Variants in PCDHA4 observed in about 807,000 individuals in gnomAD.
PCDHA4 encodes the protein protocadherin alpha-4.
Under a neutral mutation model 61.4 loss-of-function variants are expected in PCDHA4, and 49 were observed. That is an observed-to-expected ratio of 0.80 (90% CI 0.63 to 1.01). The LOEUF (loss-of-function observed/expected upper bound fraction) is 1.01. Among genes scored for constraint, PCDHA4 ranks in the 50% least tolerant of loss-of-function variants. PCDHA4 has a pLI of 0.00. For missense variants in PCDHA4, 1,254 were observed against 1,235.8 expected (o/e 1.01, Z -0.22); for synonymous variants, 590 against 550.3 (o/e 1.07, Z -1.01).
At chr5:140,876,555 G>A (rs782622293) in intron 1 of PCDHA4, 18 of 1,614,072 alleles carry the variant, frequency 1.1e-5, no homozygotes, top group Admixed American at 3.3e-5. Flanking sequence ...CTGTGCAAGA[G>A]GATGCTCAGG....
chr5:140,968,195 T>C, intron 1 of PCDHA4: 1 of 1,614,076 alleles, frequency 6.2e-7, no homozygotes, highest in East Asian at 2.2e-5. Context: ...CTATTCCATC[T>C]ACATACAGGA....
At chr5:140,853,717 A>G in intron 1 of PCDHA4, 1 of 988,104 alleles carries the variant, frequency 1.0e-6, no homozygotes, top group Non-Finnish European at 1.2e-6. Context: ...CATTAGCAGC[A>G]CCTAAGTCCT....
At chr5:140,833,964 T>TG (rs1419903363) in intron 1 of PCDHA4, among the ~76,000 whole-genome samples, 1 of 152,084 alleles carries the variant, frequency 6.6e-6, no homozygotes, top group African/African-American at 2.4e-5. Flanking sequence ...TAAAACTGTG[T>TG]GAAAAAAAAG....
chr5:141,009,892 G>GTTT lies in PCDHA4; in HGVS notation c.2799_2800insTTT (p.Glu933_Lys934insPhe). 6.2e-7 allele frequency: 1 copy of GTTT among 1,612,140 alleles called. No individual in the cohort carries two copies. Among genetic ancestry groups the GTTT allele is most frequent in the Non-Finnish European group, 8.5e-7 (1 of 1,179,578 alleles). ...AGAAGAAGGGTAACAAGACCCAGGAGAAAAAAGAGAAAGGGAACAGCACGA... is the reference window on the plus strand; with the variant it reads ...AGAAGAAGGGTAACAAGACCCAGGAGTTTAAAAAAGAGAAAGGGAACAGCACGA... On this transcript the variant is annotated inframe_insertion, in exon 4 of 4. Transcript: ENST00000530339.
intron 1 of PCDHA4, chr5:140,851,484 A>G: frequency 2.2e-6 from 2 of 889,574 alleles, no homozygotes; most frequent in Non-Finnish European, 2.7e-6. Context: ...TTATAAACAC[A>G]GCCTTCATTT....
At chr5:140,872,584 G>A (rs183302964) in intron 1 of PCDHA4, among the ~76,000 whole-genome samples, 8 of 152,212 alleles carry the variant, frequency 5.3e-5, no homozygotes, top group Admixed American at 5.2e-4. Flanking sequence ...CTATCATCGT[G>A]AGACCCCCAT....
intron 1 of PCDHA4, chr5:140,829,589 G>A (rs1770412729): frequency 3.7e-6 from 6 of 1,611,976 alleles, no homozygotes; most frequent in Non-Finnish European, 5.1e-6. Flanking sequence ...GCGGCGGGTG[G>A]GCGAGCGCGC....
chr5:140,896,738 T>C (rs2065731964), intron 1 of PCDHA4, among the ~76,000 whole-genome samples: 2 of 152,180 alleles, frequency 1.3e-5, no homozygotes, highest in African/African-American at 4.8e-5. Context: ...AAGTTCCTTA[T>C]AGATTCTGGA....
chr5:140,929,205 G>A (rs201292001), intron 1 of PCDHA4: 14 of 1,614,120 alleles, frequency 8.7e-6, no homozygotes, highest in Non-Finnish European at 1.2e-5. Flanking sequence ...GTTTGCTGTT[G>A]CGTGGGGAGT....
chr5:140,857,603 C>T lies in PCDHA4; in HGVS notation c.2385+48031C>T, dbSNP rs547758195. The T allele has an allele frequency of 1.4e-5, 22 of 1,596,384 alleles. 1 individual carries two copies. The highest frequency in any genetic ancestry group is 1.3e-4 in the South Asian group (12 of 90,484). On this transcript the variant is annotated intron_variant, in intron 1 of 3. Transcript: ENST00000530339. ...CGCGGAGAGCGGCAAGGTGTACGCG[C>T]TGCAGCCGCTGGACCACGAGGAGCT...
intron 1 of PCDHA4, among the ~76,000 whole-genome samples, chr5:140,895,206 A>G (rs948962776): frequency 6.6e-6 from 1 of 151,808 alleles, no homozygotes; most frequent in Non-Finnish European, 1.5e-5. Flanking sequence ...ATTTGCTTTT[A>G]TTTCTAATAT....
Position 140,829,888 on chromosome 5 carries a change from C to G in PCDHA4, c.2385+20316C>G, listed in dbSNP as rs150204488. 7.0e-4 allele frequency: 1,137 copies of G among 1,613,910 alleles called. 4 individuals carry two copies. In the African/African-American group the frequency reaches 7.9e-3, roughly 11 times the overall value. On this transcript the variant is annotated intron_variant, in intron 1 of 3. Transcript: ENST00000530339. ...TGGCGAAGGTGCGCGCAGTTGACGCCGACTCAGGCTACAACGCGTGGCTTT... is the reference window on the plus strand; with the variant it reads ...TGGCGAAGGTGCGCGCAGTTGACGCGGACTCAGGCTACAACGCGTGGCTTT...
intron 1 of PCDHA4, chr5:140,834,626 T>G: frequency 6.2e-7 from 1 of 1,614,168 alleles, no homozygotes; most frequent in East Asian, 2.2e-5. Context: ...ATCTGCAGAA[T>G]GGCATTTTGT....
intron 1 of PCDHA4, among the ~76,000 whole-genome samples, chr5:140,921,910 A>G (rs1474219286): frequency 6.6e-6 from 1 of 152,086 alleles, no homozygotes; most frequent in Non-Finnish European, 1.5e-5. Context: ...TATATATTAC[A>G]TGATAAAACT....
chr5:140,834,722 G>T (rs1773225539), intron 1 of PCDHA4: 1 of 1,614,146 alleles, frequency 6.2e-7, no homozygotes, highest in Non-Finnish European at 8.5e-7. Context: ...TGGAAAGGCC[G>T]CTGCAGGTTT....
chr5:141,004,871 C>T (rs2098186149), intron 3 of PCDHA4, among the ~76,000 whole-genome samples: 2 of 152,126 alleles, frequency 1.3e-5, no homozygotes, highest in South Asian at 4.1e-4. Context: ...TGTTTCTCAT[C>T]CCTAAAGTGC....
chr5:140,857,789 C>T lies in PCDHA4; in HGVS notation c.2385+48217C>T, dbSNP rs576562662. Reference sequence around the variant, plus strand: ...GGGCGGTGCAGTCAGTGAGCTGGTGCTGCGGTCGGTGGTTGCGGGTCACGT... The same window carrying T: ...GGGCGGTGCAGTCAGTGAGCTGGTGTTGCGGTCGGTGGTTGCGGGTCACGT... On this transcript the variant is annotated intron_variant, in intron 1 of 3. Transcript: ENST00000530339. 7.5e-6 allele frequency: 12 copies of T among 1,597,704 alleles called. No homozygotes were observed. In the African/African-American group the frequency reaches 1.5e-4, roughly 20 times the overall value.
At chr5:140,858,468 G>T in intron 1 of PCDHA4, 1 of 1,521,202 alleles carries the variant, frequency 6.6e-7, no homozygotes, top group Non-Finnish European at 8.9e-7. Context: ...TTCCTTTTGT[G>T]CTTTATGAAT....
At chr5:140,963,319 G>T (rs1554226565) in intron 1 of PCDHA4, among the ~76,000 whole-genome samples, 1 of 152,174 alleles carries the variant, frequency 6.6e-6, no homozygotes, top group East Asian at 1.9e-4. Flanking sequence ...GTTTGTATTA[G>T]AATTACACAG....
Sources: gnomAD v4.1 joint callset for allele counts (sites outside exome capture counted in the v4.1 genomes callset) on GRCh38, gnomAD v4.1.1 for gene constraint, MANE v1.5 for transcripts, NCBI Gene and HGNC (gene_info 2026-07-23, HGNC 2026-07-21) for gene names.